Variants in MUC12 observed in about 807,000 individuals in gnomAD.
MUC12 encodes the protein mucin-12.
A neutral mutation model predicts 230.8 loss-of-function variants in MUC12; 172 were observed. The ratio of observed to expected loss-of-function variants is 0.75; its 90% CI spans 0.66 to 0.85. The LOEUF (loss-of-function observed/expected upper bound fraction) is 0.85. MUC12 is among the 40% of genes least tolerant of loss of function. The pLI is 0.00. For missense variants in MUC12, 3,506 were observed against 5,920.6 expected (o/e 0.59, Z 13.38); for synonymous variants, 1,259 against 2,401.9 (o/e 0.52, Z 13.91).
chr7:101,015,920 AG>A (rs1584849059), intron 10 of MUC12, among the ~76,000 whole-genome samples: 1 of 152,144 alleles, frequency 6.6e-6, no homozygotes, highest in East Asian at 1.9e-4. Flanking sequence ...AGACCAACTC[AG>A]TGAGGGCATC....
At position 100,994,049 on chromosome 7, in the gene MUC12, C is replaced by A. The variant is rs1793405608; in HGVS notation, c.3486C>A (p.Ser1162Arg). The change falls in exon 2 of 12, where the codon AGC becomes AGA. Residue 1162 changes from serine to arginine, a missense_variant. Ser to Arg is a moderately radical substitution (Grantham distance 110). Coordinates refer to ENST00000536621, the MANE Select transcript of MUC12 (RefSeq NM_001164462.2). ...GLSEESTTVY[S>R]SSRGSTETTV... The stretch of plus-strand genomic sequence containing the variant: ...GTGAGGAATCTACCACCGTCTACAG[C>A]AGCAGCCGAGGCTCAACTGAAACCA... 6.8e-6 allele frequency: 7 copies of A among 1,022,074 alleles called. 2 individuals carry two copies. In the East Asian group the frequency reaches 2.8e-4, roughly 41 times the overall value. 63.3% of individuals were successfully genotyped at this position (1,022,074 alleles called of 1,614,324 possible).
Position 101,013,111 on chromosome 7 carries a change from T to G in MUC12, c.15607T>G (p.Cys5203Gly). ...KSQMNCNLGT[C>G]QLQRSGPRCL... is the part of the protein sequence containing the mutation. ...GCAAATGAACTGTAACCTGGGCACATGTCAGCTGCAACGCAGTGGCCCCCG... is the reference window on the plus strand; with the variant it reads ...GCAAATGAACTGTAACCTGGGCACAGGTCAGCTGCAACGCAGTGGCCCCCG... Residue 5203 changes from cysteine to glycine, a missense_variant, in exon 8 of 12, where the codon TGT becomes GGT. Physicochemically the swap from Cys to Gly is radical, Grantham distance 159. Coordinates refer to ENST00000536621, the MANE Select transcript of MUC12 (RefSeq NM_001164462.2). The G allele has an allele frequency of 6.5e-7, 1 of 1,537,282 alleles. No individual in the cohort carries two copies. Among genetic ancestry groups the G allele is most frequent in the South Asian group, 1.2e-5 (1 of 84,064 alleles).
At position 100,991,432 on chromosome 7, in the gene MUC12, C is replaced by A; in HGVS notation, c.869C>A (p.Ala290Glu). ...CCAAGCTCAAAGGACACTTCGCCTG[C>A]ACCTTCTGGTACCACATCAGCCTTT... The part of the protein sequence containing the change: ...SWPSSKDTSP[A>E]PSGTTSAFVK... Residue 290 changes from alanine to glutamate, a missense_variant, in exon 2 of 12, where the codon GCA becomes GAA. Ala to Glu is a moderately radical substitution (Grantham distance 107). Coordinates refer to ENST00000536621, the MANE Select transcript of MUC12 (RefSeq NM_001164462.2). The A allele has an allele frequency of 6.5e-7, 1 of 1,537,854 alleles. No homozygotes were observed. The highest frequency in any genetic ancestry group is 8.7e-7 in the Non-Finnish European group (1 of 1,147,056).
At chr7:100,981,024 C>T (rs910814564) in intron 1 of MUC12, among the ~76,000 whole-genome samples, 1 of 152,168 alleles carries the variant, frequency 6.6e-6, no homozygotes, top group Admixed American at 6.6e-5. Context: ...AAGGCCCCAA[C>T]CAACACTAGC....
At chr7:101,015,512 G>T (rs754403469) in intron 9 of MUC12, 103 bp from the exon 10 acceptor site, 19 of 897,822 alleles carry the variant, frequency 2.1e-5, no homozygotes, top group Non-Finnish European at 3.2e-5. Context: ...CTGACTCGGG[G>T]TGTGGCTGTG....
chr7:100,988,562 A>T (rs916499007), intron 1 of MUC12, among the ~76,000 whole-genome samples: 1 of 152,160 alleles, frequency 6.6e-6, no homozygotes, highest in Non-Finnish European at 1.5e-5. Flanking sequence ...GGCCTAATAG[A>T]GGTGGCTAGC....
rs746266288 is a variant in MUC12, at chr7:101,005,452, C to T, written c.14889C>T (p.Thr4963=). Reference sequence around the variant, plus strand: ...CAGGCCTCACTGAGGAATCTACCACCTTCCACACCAGTCCAAGCTTCACTT... The same window carrying T: ...CAGGCCTCACTGAGGAATCTACCACTTTCCACACCAGTCCAAGCTTCACTT... ...STSGLTEEST[T]FHTSPSFTST... is the part of the protein sequence containing the mutation. The change falls in exon 2 of 12, where the codon ACC becomes ACT. Residue 4963 remains threonine, a synonymous_variant. Coordinates refer to ENST00000536621, the MANE Select transcript of MUC12 (RefSeq NM_001164462.2). 237 of 1,537,716 alleles carry T rather than the reference C, an allele frequency of 1.5e-4. No homozygotes were observed. Among genetic ancestry groups the T allele is most frequent in the Non-Finnish European group, 1.9e-4 (220 of 1,147,000 alleles).
intron 1 of MUC12, among the ~76,000 whole-genome samples, chr7:100,989,982 C>T (rs1348653437): frequency 1.3e-5 from 2 of 152,162 alleles, no homozygotes; most frequent in African/African-American, 4.8e-5. Flanking sequence ...TGGGAGCCAC[C>T]TCACCTGGCC....
rs1046431837 is a variant in MUC12, at chr7:101,012,540, T to C, written c.15403+93T>C. On this transcript the variant is annotated intron_variant, in intron 6 of 11. Coordinates refer to ENST00000536621, the MANE Select transcript of MUC12 (RefSeq NM_001164462.2). ...CTCTACGTCTTCTTTCTTCTGGTAC[T>C]CCCAAGACTTCTGCCACAGGAACCC... 8.8e-6 allele frequency: 12 copies of C among 1,360,456 alleles called. No homozygotes were observed. The African/African-American group carries it at 1.8e-4, about 20-fold the overall frequency. The allele number at this position is 1,360,456 out of a possible 1,614,324, so 84.3% of individuals were successfully genotyped here.
rs890519288 is a variant in MUC12, at chr7:101,015,643, C to T, written c.15829C>T (p.Arg5277Ter). The change falls in exon 10 of 12, where the codon CGA becomes TGA. Residue 5277 changes from arginine to a stop codon, truncating the protein, a stop_gained. Transcript: ENST00000536621. LOFTEE classifies it high-confidence loss of function. The part of the protein sequence containing the change: ...REQYDVPQEW[R>*]KEGTPGIFQK... ...ACAGTATGATGTGCCTCAAGAGTGG[C>T]GAAAGGAAGGCACCCCTGGCATCTT... The T allele has an allele frequency of 2.2e-5, 34 of 1,537,452 alleles. No individual in the cohort carries two copies. The highest frequency in any genetic ancestry group is 7.8e-5 in the Admixed American group (4 of 50,972).
rs1420836755 is a variant in MUC12, at chr7:100,992,604, G to T, written c.2041G>T (p.Gly681Cys). The T allele has an allele frequency of 6.5e-7, 1 of 1,537,676 alleles. No individual in the cohort carries two copies. Among genetic ancestry groups the T allele is most frequent in the African/African-American group, 1.4e-5 (1 of 73,028 alleles). Reference protein sequence around the residue: ...THISARSTTSGLVEESTTYHS... With the variant: ...THISARSTTSCLVEESTTYHS... ...CATTTCTGCCCGCTCCACAACCTCA[G>T]GCCTCGTTGAAGAATCTACGACCTA... Residue 681 changes from glycine (G) to cysteine (C), a missense_variant, in exon 2 of 12, where the codon GGC becomes TGC. Transcript: ENST00000536621.
intron 5 of MUC12, 26 bp from the exon 6 acceptor site, chr7:101,012,270 A>G: frequency 6.5e-7 from 1 of 1,535,870 alleles, no homozygotes; most frequent in Non-Finnish European, 8.7e-7. Flanking sequence ...GACATGGGTA[A>G]CTGATGAAAC....
intron 1 of MUC12, among the ~76,000 whole-genome samples, chr7:100,989,844 C>A (rs949362861): frequency 6.6e-6 from 1 of 152,148 alleles, no homozygotes; most frequent in Non-Finnish European, 1.5e-5. Flanking sequence ...GTGTACACCA[C>A]CACACCTGGC....
At chr7:100,981,704 G>A (rs1202446102) in intron 1 of MUC12, among the ~76,000 whole-genome samples, 1 of 152,062 alleles carries the variant, frequency 6.6e-6, no homozygotes, top group African/African-American at 2.4e-5. Flanking sequence ...AGGAACAAAG[G>A]CAAAAGAGAG....
In MUC12 at chr7:101,005,200, A is replaced by T; in HGVS notation, c.14637A>T (p.Thr4879=). 1 of 1,537,290 alleles carries T rather than the reference A, an allele frequency of 6.5e-7. No individual in the cohort carries two copies. Among genetic ancestry groups the T allele is most frequent in the Non-Finnish European group, 8.7e-7 (1 of 1,146,904 alleles). Residue 4879 remains threonine (T), a synonymous_variant, in exon 2 of 12, where the codon ACA becomes ACT. Coordinates refer to ENST00000536621, the MANE Select transcript of MUC12 (RefSeq NM_001164462.2). The stretch of plus-strand genomic sequence containing the variant: ...TGTCCATTCATAGTCAACAATCTAC[A>T]CCCTTCCCTGACAGCCCAGGCTTCA... ...NTMSIHSQQS[T]PFPDSPGFTH... is the part of the protein sequence containing the mutation.
At position 101,018,726 on chromosome 7, in the gene MUC12, G is replaced by A; in HGVS notation, c.*90G>A. On this transcript the variant is annotated 3_prime_UTR_variant, in exon 12 of 12. Transcript: ENST00000536621. ...ACAAGCCTCCGGGGCGGGTCAAGAG[G>A]AGACCGAAGTCAGGCCCTGAAGCCG... is the stretch of plus-strand genomic sequence containing the variant. 1 of 1,349,010 alleles carries A rather than the reference G, an allele frequency of 7.4e-7. No homozygotes were observed. Among genetic ancestry groups the A allele is most frequent in the South Asian group, 1.4e-5 (1 of 70,884 alleles). The allele number at this position is 1,349,010 out of a possible 1,614,324, so 83.6% of individuals were successfully genotyped here.
At chr7:101,008,812 G>C in intron 4 of MUC12, 51 bp downstream of exon 4, 1 of 1,506,486 alleles carries the variant, frequency 6.6e-7, no homozygotes, top group Non-Finnish European at 8.8e-7. Context: ...CACGTGAGAG[G>C]AAATTGGGGG....
In MUC12 at chr7:100,981,149, C is replaced by T. The variant is rs113278587; in HGVS notation, c.68-9482C>T. Among the ~76,000 whole-genome samples the T allele has an allele frequency of 2.3e-3, 345 of 152,258 alleles. 1 individual carries two copies. Among genetic ancestry groups the T allele is most frequent in the African/African-American group, 7.8e-3 (322 of 41,546 alleles). ...GGTGAAATTTATATGCTTTTTCCTTCTCTTGGGCTTGTTGGCTATTTGAGT... is the reference window on the plus strand; with the variant it reads ...GGTGAAATTTATATGCTTTTTCCTTTTCTTGGGCTTGTTGGCTATTTGAGT... On this transcript the variant is annotated intron_variant, in intron 1 of 11. Transcript: ENST00000536621.
Position 101,002,799 on chromosome 7 carries a change from C to A in MUC12, c.12236C>A (p.Thr4079Asn). Reference sequence around the variant, plus strand: ...ACTGGCCTTCAGGAAGAATCTACCACTTTCCAGAGCTGGCCAAGCTCAAGT... The same window carrying A: ...ACTGGCCTTCAGGAAGAATCTACCAATTTCCAGAGCTGGCCAAGCTCAAGT... ...TSTGLQEEST[T>N]FQSWPSSSDT... Residue 4079 changes from threonine (T) to asparagine (N), a missense_variant, in exon 2 of 12, where the codon ACT becomes AAT. Physicochemically the swap from Thr to Asn is moderately conservative, Grantham distance 65. Coordinates refer to ENST00000536621, the MANE Select transcript of MUC12 (RefSeq NM_001164462.2). 1 of 1,178,632 alleles carries A rather than the reference C, an allele frequency of 8.5e-7. No individual in the cohort carries two copies. The highest frequency in any genetic ancestry group is 1.2e-6 in the Non-Finnish European group (1 of 848,282). The allele number at this position is 1,178,632 out of a possible 1,614,324, so 73.0% of individuals were successfully genotyped here.
Sources: gnomAD v4.1 joint callset for allele counts (sites outside exome capture counted in the v4.1 genomes callset) on GRCh38, gnomAD v4.1.1 for gene constraint, MANE v1.5 for transcripts, NCBI Gene and HGNC (gene_info 2026-07-23, HGNC 2026-07-21) for gene names.